Variants in ATP2B2 observed in about 807,000 individuals in gnomAD.
The protein encoded by ATP2B2 is ATPase plasma membrane Ca2+ transporting 2, also known as plasma membrane calcium-transporting ATPase 2.
ATP2B2 carries 15 observed loss-of-function variants against 120.0 expected under a neutral mutation model. The ratio of observed to expected loss-of-function variants is 0.12; its 90% CI spans 0.08 to 0.19. The LOEUF (loss-of-function observed/expected upper bound fraction) is 0.19, where lower values mean the gene tolerates loss of function less well. ATP2B2 is among the 10% of genes least tolerant of loss of function. The pLI is 1.00. For synonymous variants in ATP2B2, 694 were observed against 700.3 expected, an observed-to-expected ratio of 0.99 and a Z score of 0.14; for missense variants, 1,045 against 1,719.8, an observed-to-expected ratio of 0.61 and a Z score of 6.94.
chr3:10,624,275 T>A (rs1013226677), intron 1 of ATP2B2, among the ~76,000 whole-genome samples: 1 of 152,210 alleles, frequency 6.6e-6, no homozygotes, highest in Non-Finnish European at 1.5e-5. Flanking sequence ...AGAGATTTAG[T>A]AAGTCTAACG....
intron 14 of ATP2B2, 122 bp from the exon 15 acceptor site, chr3:10,350,699 T>C (rs2060555648): frequency 9.5e-7 from 1 of 1,048,902 alleles, no homozygotes; most frequent in East Asian, 2.5e-5. Flanking sequence ...TAGATGACTA[T>C]GAGATGCTGA....
At chr3:10,481,516 C>T (rs1402314821) in intron 1 of ATP2B2, among the ~76,000 whole-genome samples, 4 of 152,200 alleles carry the variant, frequency 2.6e-5, no homozygotes, top group Non-Finnish European at 4.4e-5. Flanking sequence ...TCATCACGCT[C>T]TTCCCGCTGA....
At chr3:10,486,334 T>TGTGC (rs2065662469) in intron 1 of ATP2B2, among the ~76,000 whole-genome samples, 10 of 151,432 alleles carry the variant, frequency 6.6e-5, no homozygotes, top group African/African-American at 1.7e-4. Context: ...CGTGTGTGTG[T>TGTGC]GTGTGTGTGT....
At chr3:10,630,946 G>A (rs1385261853) in intron 1 of ATP2B2, among the ~76,000 whole-genome samples, 1 of 152,136 alleles carries the variant, frequency 6.6e-6, no homozygotes, top group Non-Finnish European at 1.5e-5. Flanking sequence ...CTACTTCCTC[G>A]GGTAGAGAAA....
In ATP2B2 at chr3:10,346,232, G is replaced by T; in HGVS notation, c.2405-95C>A. 1 of 1,225,572 alleles carries T rather than the reference G, an allele frequency of 8.2e-7. No homozygotes were observed. The highest frequency in any genetic ancestry group is 1.2e-6 in the Non-Finnish European group (1 of 851,884). 75.9% of individuals were successfully genotyped at this position (1,225,572 alleles called of 1,614,324 possible). A position where few individuals can be genotyped will look rare whatever the true frequency, so the allele number is the denominator to read the frequency against. ...CTCGGGAGGGGCCTGGCTGGGCATG[G>T]CTTCCTCTCTGGTCCCTGTCCAGCC... On this transcript the variant is annotated intron_variant, in intron 16 of 22. Coordinates refer to ENST00000360273, the MANE Select transcript of ATP2B2 (RefSeq NM_001001331.4). This position sits in a 1 kb window ranked among gnomAD's most constrained non-coding sequence, Gnocchi z 4.1.
intron 9 of ATP2B2, 73 bp downstream of exon 9, chr3:10,379,170 T>C: frequency 6.5e-7 from 1 of 1,529,538 alleles, no homozygotes; most frequent in Non-Finnish European, 9.0e-7. Flanking sequence ...AGTCTCTGTC[T>C]CTGGTGTGAC....
chr3:10,477,825 T>A (rs1397700478), intron 1 of ATP2B2, among the ~76,000 whole-genome samples: 3 of 152,274 alleles, frequency 2.0e-5, no homozygotes, highest in Non-Finnish European at 4.4e-5. Context: ...CTCATTTTAG[T>A]TATTCCAAAG....
chr3:10,597,576 G>T (rs1388514682), intron 2 of ATP2B2, among the ~76,000 whole-genome samples: 1 of 152,128 alleles, frequency 6.6e-6, no homozygotes, highest in African/African-American at 2.4e-5. Flanking sequence ...TTTGCCAAGT[G>T]CCCCCTCACC....
intron 1 of ATP2B2, among the ~76,000 whole-genome samples, chr3:10,465,484 T>C (rs1464865102): frequency 6.6e-6 from 1 of 152,256 alleles, no homozygotes; most frequent in Non-Finnish European, 1.5e-5. Flanking sequence ...TCCTTCTGCA[T>C]TTCAAAATTC....
At chr3:10,361,208 A>T (rs2060889396) in intron 12 of ATP2B2, among the ~76,000 whole-genome samples, 1 of 152,196 alleles carries the variant, frequency 6.6e-6, no homozygotes, top group African/African-American at 2.4e-5. Flanking sequence ...ATGGTCAAAT[A>T]TGGGCAAGTT....
chr3:10,661,778 A>G (rs565650110), intron 1 of ATP2B2, among the ~76,000 whole-genome samples: 14 of 152,300 alleles, frequency 9.2e-5, no homozygotes, highest in South Asian at 8.3e-4. Flanking sequence ...CCAAAAAAGA[A>G]CCTGCTTTGC....
At chr3:10,596,382 AC>A (rs1439630081) in intron 2 of ATP2B2, among the ~76,000 whole-genome samples, 1 of 152,260 alleles carries the variant, frequency 6.6e-6, no homozygotes, top group Non-Finnish European at 1.5e-5. Flanking sequence ...CAGTGTAGAC[AC>A]TTAATAAATG....
intron 1 of ATP2B2, among the ~76,000 whole-genome samples, chr3:10,699,811 C>T (rs1262642024): frequency 6.6e-6 from 1 of 152,084 alleles, no homozygotes; most frequent in Non-Finnish European, 1.5e-5. Context: ...AAAGTGAGTT[C>T]AGCCCCCTTT....
chr3:10,354,820 C>T lies in ATP2B2; in HGVS notation c.2136+3871G>A, dbSNP rs560977596. 1.1e-4 allele frequency among the ~76,000 whole-genome samples: 17 copies of T among 152,306 alleles called. No homozygotes were observed. The South Asian group carries it at 2.3e-3, about 20-fold the overall frequency. On this transcript the variant is annotated intron_variant, in intron 14 of 22. Transcript: ENST00000360273. ...TGTCTGCAGGACCCTAGAGATGGCC[C>T]GGGCTGAGGTTTTCCCTCTGGCTGA...
chr3:10,368,065 C>T (rs2061117245), intron 12 of ATP2B2, among the ~76,000 whole-genome samples: 1 of 152,192 alleles, frequency 6.6e-6, no homozygotes, highest in Admixed American at 6.5e-5. Context: ...CGTCACTAAC[C>T]CATGGGGTGA....
chr3:10,592,494 AAAG>A (rs1478501433), intron 2 of ATP2B2, among the ~76,000 whole-genome samples: 3 of 152,222 alleles, frequency 2.0e-5, no homozygotes, highest in Admixed American at 2.0e-4. Context: ...CCAGGCATGC[AAAG>A]GCCCAGAATG....
chr3:10,427,310 C>T (rs903359877), intron 2 of ATP2B2, among the ~76,000 whole-genome samples: 19 of 152,286 alleles, frequency 1.2e-4, no homozygotes, highest in South Asian at 6.2e-4. Context: ...TCAGCCTCCC[C>T]GGGGTTTCTT....
intron 2 of ATP2B2, among the ~76,000 whole-genome samples, chr3:10,567,017 G>C (rs1375791534): frequency 6.6e-6 from 1 of 152,182 alleles, no homozygotes; most frequent in African/African-American, 2.4e-5. Flanking sequence ...GCCCATGCTT[G>C]GTTCTTGTGC....
At chr3:10,655,642 A>C (rs1438018479) in intron 1 of ATP2B2, among the ~76,000 whole-genome samples, 3 of 152,174 alleles carry the variant, frequency 2.0e-5, no homozygotes, top group Admixed American at 2.0e-4. Context: ...TCGAAGAAGA[A>C]CAGGCCCCAT....
Sources: gnomAD v4.1 joint callset for allele counts (sites outside exome capture counted in the v4.1 genomes callset) on GRCh38, gnomAD v4.1.1 for gene constraint, Gnocchi (gnomAD v3.1) non-coding constraint, MANE v1.5 for transcripts, NCBI Gene and HGNC (gene_info 2026-07-23, HGNC 2026-07-21) for gene names.